Variants in CSNK2A1 observed in about 807,000 individuals in gnomAD.
CSNK2A1 encodes the protein casein kinase II subunit alpha.
A neutral mutation model predicts 62.9 loss-of-function variants in CSNK2A1; 10 were observed. The observed-to-expected ratio is 0.16, with a 90% CI of 0.10 to 0.27. The LOEUF (loss-of-function observed/expected upper bound fraction) is 0.27. CSNK2A1 is among the 10% of genes least tolerant of loss of function. The pLI, the probability that CSNK2A1 is intolerant of heterozygous loss-of-function variation, is 1.00. For synonymous variants in CSNK2A1, 124 were observed against 167.8 expected (o/e 0.74, Z 2.02); for missense variants, 160 against 492.0 (o/e 0.33, Z 6.38).
chr20:523,319 G>A (rs1392093357), intron 2 of CSNK2A1, among the ~76,000 whole-genome samples: 1 of 152,102 alleles, frequency 6.6e-6, no homozygotes, highest in Non-Finnish European at 1.5e-5. Context: ...CTAGAAAAAT[G>A]AAAACTTAGG....
chr20:496,805 T>A (rs1444309618), intron 7 of CSNK2A1: 2 of 152,220 alleles, frequency 1.3e-5, no homozygotes, highest in African/African-American at 2.4e-5. Flanking sequence ...AGATATTTGG[T>A]GACCCCACTT....
chr20:478,795 A>C lies in CSNK2A1; in HGVS notation c.*5166T>G. On this transcript the variant is annotated 3_prime_UTR_variant, in exon 14 of 14. Transcript: ENST00000217244. ...AAAAAAAAAAAAAAATTAGCCAAGCATGATGGCTCGTGCCTGTAGTCCCTG... is the reference window on the plus strand; with the variant it reads ...AAAAAAAAAAAAAAATTAGCCAAGCCTGATGGCTCGTGCCTGTAGTCCCTG... 3.3e-6 allele frequency: 1 copy of C among 306,030 alleles called. No homozygotes were observed. Among genetic ancestry groups the C allele is most frequent in the South Asian group, 2.4e-5 (1 of 41,604 alleles). 19.0% of individuals were successfully genotyped at this position (306,030 alleles called of 1,614,324 possible).
At chr20:503,118 T>C (rs774142286) in intron 4 of CSNK2A1, 13 of 187,104 alleles carry the variant, frequency 6.9e-5, no homozygotes, top group Non-Finnish European at 1.2e-4. Context: ...CTCCAACGTA[T>C]GTATATATAC....
intron 2 of CSNK2A1, among the ~76,000 whole-genome samples, chr20:525,757 T>C (rs1248255091): frequency 5.4e-5 from 8 of 148,776 alleles, no homozygotes; most frequent in Non-Finnish European, 1.0e-4. Flanking sequence ...GGTGTGAGGA[T>C]TGCTTGAGCT....
chr20:530,860 G>A (rs995313791), intron 1 of CSNK2A1, among the ~76,000 whole-genome samples: 9 of 152,176 alleles, frequency 5.9e-5, no homozygotes, highest in African/African-American at 1.4e-4. Flanking sequence ...TGAGGCAGGC[G>A]GATTACCTGA....
At chr20:532,317 C>A (rs1036483601) in intron 1 of CSNK2A1, among the ~76,000 whole-genome samples, 1 of 150,130 alleles carries the variant, frequency 6.7e-6, no homozygotes, top group Admixed American at 6.6e-5. Flanking sequence ...GCAAGCGCCA[C>A]CATGCCCGGC....
At position 499,958 on chromosome 20, in the gene CSNK2A1, CAAAAAAA is replaced by C; in HGVS notation, c.214-31_214-25del. The stretch of plus-strand genomic sequence containing the variant: ...GGCTGAAAGGGGAAAAGTACATCAG[CAAAAAAA>C]AAAAAAAAAAATTTTTTCAGAGTAT... On this transcript the variant is annotated intron_variant, in intron 4 of 13. Transcript: ENST00000217244. This position sits in a 1 kb window ranked among gnomAD's most constrained non-coding sequence, Gnocchi z 4.2. 3.9e-6 allele frequency: 5 copies of C among 1,270,842 alleles called. No individual in the cohort carries two copies. Among genetic ancestry groups the C allele is most frequent in the Non-Finnish European group, 3.2e-6 (3 of 938,494 alleles). The allele number at this position is 1,270,842 out of a possible 1,614,324, so 78.7% of individuals were successfully genotyped here.
At chr20:524,517 G>C (rs1246965305) in intron 2 of CSNK2A1, among the ~76,000 whole-genome samples, 1 of 150,344 alleles carries the variant, frequency 6.7e-6, no homozygotes, top group Non-Finnish European at 1.5e-5. Flanking sequence ...TTTGAGACCA[G>C]CCTGGCCAAC....
chr20:488,634 A>C (rs1240012340), intron 11 of CSNK2A1, 44 bp downstream of exon 11: 1 of 1,586,892 alleles, frequency 6.3e-7, no homozygotes. Flanking sequence ...TTCACTCTCA[A>C]AGTGCTTAAG....
chr20:507,701 G>A (rs1336148179), intron 3 of CSNK2A1: 9 of 152,252 alleles, frequency 5.9e-5, no homozygotes, highest in African/African-American at 1.7e-4. Flanking sequence ...GAACTGTTTC[G>A]TCCTCCTGTA....
intron 1 of CSNK2A1, among the ~76,000 whole-genome samples, chr20:535,759 G>T (rs1168947359): frequency 4.7e-5 from 7 of 147,410 alleles, no homozygotes; most frequent in African/African-American, 1.5e-4. Context: ...AAAAAAAAAA[G>T]TTTTAAAGTG....
chr20:488,595 A>G (rs936649158), intron 11 of CSNK2A1, 83 bp downstream of exon 11: 22 of 1,374,682 alleles, frequency 1.6e-5, no homozygotes, highest in South Asian at 2.4e-5. Context: ...CAAAGAAAAC[A>G]TAACTATTTT....
At chr20:534,864 A>G (rs1309777509) in intron 1 of CSNK2A1, among the ~76,000 whole-genome samples, 3 of 149,330 alleles carry the variant, frequency 2.0e-5, no homozygotes, top group African/African-American at 7.4e-5. Context: ...CCCCATCTCT[A>G]CTAAAATACA....
rs1394779302 is a variant in CSNK2A1, at chr20:527,933, C to T, written c.-110G>A. 4 of 152,116 alleles carry T rather than the reference C, an allele frequency of 2.6e-5. No homozygotes were observed. The highest frequency in any genetic ancestry group is 9.7e-5 in the African/African-American group (4 of 41,416). The allele number at this position is 152,116 out of a possible 1,614,324, so 9.4% of individuals were successfully genotyped here. A position where few individuals can be genotyped will look rare whatever the true frequency, so the allele number is the denominator to read the frequency against. ...AAAAAGGTTTCCTACTATCACTTAC[C>T]AAAGAGATGTGAAACTAGTCAGTAT... On this transcript the variant is annotated splice_region_variant and 5_prime_UTR_variant, in exon 2 of 14. Coordinates refer to ENST00000217244, the MANE Select transcript of CSNK2A1 (RefSeq NM_177559.3).
At chr20:485,100 A>ATT in intron 13 of CSNK2A1, among the ~76,000 whole-genome samples, 1 of 54,294 alleles carries the variant, frequency 1.8e-5, no homozygotes, top group Non-Finnish European at 3.5e-5. Context: ...AAAAAAAAAA[A>ATT]AAAAAAAAAA....
intron 1 of CSNK2A1, among the ~76,000 whole-genome samples, chr20:534,805 G>T (rs954020338): frequency 2.6e-5 from 4 of 151,178 alleles, no homozygotes. Flanking sequence ...GAGATGGGTG[G>T]ATTGCCTGAG....
rs2018656241 is a variant in CSNK2A1, at chr20:508,740, TGGC to T, written c.-109-83_-109-81del. On this transcript the variant is annotated intron_variant, in intron 2 of 13. Transcript: ENST00000217244. ...AAGGAAATAATCTTACAAATAATAA[TGGC>T]CTGAAATATACCTCTGGCTCTCCTA... The T allele has an allele frequency of 2.9e-5, 16 of 549,466 alleles. 1 individual carries two copies. In the South Asian group the frequency reaches 4.0e-4, roughly 14 times the overall value. 34.0% of individuals were successfully genotyped at this position (549,466 alleles called of 1,614,324 possible). A position where few individuals can be genotyped will look rare whatever the true frequency, so the allele number is the denominator to read the frequency against.
At chr20:484,603 C>T (rs2018025499) in intron 13 of CSNK2A1, among the ~76,000 whole-genome samples, 1 of 152,042 alleles carries the variant, frequency 6.6e-6, no homozygotes, top group South Asian at 2.1e-4. Flanking sequence ...TACTGAAAGT[C>T]AATTTGAATG....
intron 12 of CSNK2A1, 100 bp downstream of exon 12, chr20:487,327 G>T: frequency 6.5e-7 from 1 of 1,539,572 alleles, no homozygotes; most frequent in Admixed American, 1.8e-5. Context: ...CAGTGTGGGT[G>T]AATTAACTTT....
Sources: gnomAD v4.1 joint callset for allele counts (sites outside exome capture counted in the v4.1 genomes callset) on GRCh38, gnomAD v4.1.1 for gene constraint, Gnocchi (gnomAD v3.1) non-coding constraint, MANE v1.5 for transcripts, NCBI Gene and HGNC (gene_info 2026-07-23, HGNC 2026-07-21) for gene names.